CYBB: variants seen among roughly 807,000 people sequenced by gnomAD.
CYBB encodes NADPH oxidase 2.
In CYBB, 5 loss-of-function variants were observed where a neutral mutation model predicts 46.5. The observed-to-expected ratio is 0.11, with a 90% CI of 0.06 to 0.23. The LOEUF is 0.23. Ranked by LOEUF, CYBB falls within the 10% of genes least tolerant of loss-of-function variation. The probability of loss-of-function intolerance (pLI) is 1.00; values close to 1 mark genes in which losing one functional copy is unlikely to be tolerated. For missense variants in CYBB, 307 were observed against 428.3 expected (o/e 0.72, Z 2.50); for synonymous variants, 183 against 156.7 (o/e 1.17, Z -1.26).
chrX:37,787,332 G>A (rs1488539552), intron 3 of CYBB, among the ~76,000 whole-genome samples: 7 of 112,164 alleles, frequency 6.2e-5, no homozygotes, highest in South Asian at 3.7e-4. Context: ...TTGATGGTGC[G>A]TGTGGTGAGA....
rs1157985717 is a variant in CYBB, at chrX:37,812,036, C to T, written c.*1119C>T. The T allele has an allele frequency of 9.0e-6, 1 of 111,617 alleles. No homozygotes were observed. Among genetic ancestry groups the T allele is most frequent in the African/African-American group, 3.3e-5 (1 of 30,634 alleles). 9.2% of individuals were successfully genotyped at this position (111,617 alleles called of 1,213,427 possible). On this transcript the variant is annotated 3_prime_UTR_variant, in exon 13 of 13. Transcript: ENST00000378588. ...TATGGTCATTTGTTTTAAATAACAC[C>T]CACCCCTTATTTTCCGTAAATACAC...
At chrX:37,810,000 G>A (rs1184029201) in intron 12 of CYBB, among the ~76,000 whole-genome samples, 6 of 111,720 alleles carry the variant, frequency 5.4e-5, no homozygotes, top group African/African-American at 2.0e-4. Context: ...TTTCATTAGT[G>A]TATCTACTTC....
At position 37,793,656 on chromosome X, in the gene CYBB, C is replaced by T; in HGVS notation, c.338-9C>T. 1 of 1,207,506 alleles carries T rather than the reference C, an allele frequency of 8.3e-7. No homozygotes were observed. Among genetic ancestry groups the T allele is most frequent in the Non-Finnish European group, 1.1e-6 (1 of 893,220 alleles). On this transcript the variant is annotated splice_polypyrimidine_tract_variant and intron_variant, in intron 4 of 12. Coordinates refer to ENST00000378588, the MANE Select transcript of CYBB (RefSeq NM_000397.4). Reference sequence around the variant, plus strand: ...CATTCTCTTTGTTTCTCTTCTCTGCCCTTTTCAGCGATTCACACCATTGCA... The same window carrying T: ...CATTCTCTTTGTTTCTCTTCTCTGCTCTTTTCAGCGATTCACACCATTGCA...
At position 37,795,802 on chromosome X, in the gene CYBB, AG is replaced by A. The variant is rs1929287368; in HGVS notation, c.484-148del. On this transcript the variant is annotated intron_variant, in intron 5 of 12. Transcript: ENST00000378588. ...GTGAGGGATGATTAGGATTATTCAAAGAGGGGGTGAAAATATCTATTGTTCT... is the reference window on the plus strand; with the variant it reads ...GTGAGGGATGATTAGGATTATTCAAAAGGGGGTGAAAATATCTATTGTTCT... 3 of 461,351 alleles carry A rather than the reference AG, an allele frequency of 6.5e-6. No individual in the cohort carries two copies. The Admixed American group carries it at 1.0e-4, about 16-fold the overall frequency. 38.0% of individuals were successfully genotyped at this position (461,351 alleles called of 1,213,427 possible). A position where few individuals can be genotyped will look rare whatever the true frequency, so the allele number is the denominator to read the frequency against.
chrX:37,799,024 C>T lies in CYBB; in HGVS notation c.744C>T (p.Ile248=), dbSNP rs190924506. 10 of 1,206,610 alleles carry T rather than the reference C, an allele frequency of 8.3e-6. No individual in the cohort carries two copies. The highest frequency in any genetic ancestry group is 4.4e-5 in the Admixed American group (2 of 45,668). ...ATATAACAGTTTGTGAACAAAAAAT[C>T]TCAGAATGGGGAAAAATAAAGGAAT... ...VHNITVCEQK[I]SEWGKIKECP... Residue 248 remains isoleucine (I), a synonymous_variant, in exon 7 of 13, where the codon ATC becomes ATT. Transcript: ENST00000378588.
At chrX:37,806,610 GTCTTGTGTACTA>G in intron 11 of CYBB, 77 bp downstream of exon 11, 1 of 975,957 alleles carries the variant, frequency 1.0e-6, no homozygotes. Flanking sequence ...TTATTGGTGT[GTCTTGTGTACTA>G]TTTTTTCTAA....
At chrX:37,800,997 T>G (rs782192164) in intron 7 of CYBB, among the ~76,000 whole-genome samples, 1 of 112,141 alleles carries the variant, frequency 8.9e-6, no homozygotes, top group Non-Finnish European at 1.9e-5. Flanking sequence ...TTGTGAGGAG[T>G]TCCTCTTGGG....
At chrX:37,803,353 G>A (rs1419059354) in intron 8 of CYBB, among the ~76,000 whole-genome samples, 6 of 110,922 alleles carry the variant, frequency 5.4e-5, no homozygotes, top group African/African-American at 2.0e-4. Context: ...GGATAGGAAG[G>A]CTGAGCAGGA....
At chrX:37,798,216 C>T (rs921039738) in intron 6 of CYBB, 3 of 111,811 alleles carry the variant, frequency 2.7e-5, no homozygotes, top group Non-Finnish European at 3.8e-5. Context: ...GTCTACTCAA[C>T]GTTGGGCCTT....
rs782499015 is a variant in CYBB, at chrX:37,806,359, T to C, written c.1315-28T>C. On this transcript the variant is annotated intron_variant, in intron 10 of 12. Transcript: ENST00000378588. ...TGCTGATAGGGCCTGCCAAATATAA[T>C]CTGCTTCATGATCCACCCCATTTTC... 21 of 1,207,439 alleles carry C rather than the reference T, an allele frequency of 1.7e-5. No homozygotes were observed. In the South Asian group the frequency reaches 3.0e-4, roughly 17 times the overall value.
Position 37,789,432 on chromosome X carries a change from A to G in CYBB, c.253-2543A>G, listed in dbSNP as rs782623160. 4.6e-5 allele frequency among the ~76,000 whole-genome samples: 5 copies of G among 109,139 alleles called. No homozygotes were observed. In the East Asian group the frequency reaches 1.4e-3, roughly 31 times the overall value. The allele number at this position is 109,139 out of a possible 115,157, so 94.8% of individuals were successfully genotyped here. On this transcript the variant is annotated intron_variant, in intron 3 of 12. Coordinates refer to ENST00000378588, the MANE Select transcript of CYBB (RefSeq NM_000397.4). ...CCACAAGGACTCTCAGAAACTATAGAGGAAATTAAGTTGAAATTTAAGAAG... is the reference window on the plus strand; with the variant it reads ...CCACAAGGACTCTCAGAAACTATAGGGGAAATTAAGTTGAAATTTAAGAAG...
intron 8 of CYBB, among the ~76,000 whole-genome samples, chrX:37,803,220 CCTT>C (rs782147784): frequency 9.0e-6 from 1 of 111,034 alleles, no homozygotes; most frequent in Admixed American, 9.5e-5. Context: ...AATGGGATCT[CCTT>C]CTTCTGGCCA....
At chrX:37,805,198 A>G (rs782800759) in intron 10 of CYBB, 30 bp downstream of exon 10, 39 of 1,197,100 alleles carry the variant, frequency 3.3e-5, no homozygotes, top group Non-Finnish European at 4.4e-5. Flanking sequence ...GGAGGGCCTT[A>G]GAGCAGTAAC....
At position 37,804,041 on chromosome X, in the gene CYBB, T is replaced by C. The variant is rs1221663438; in HGVS notation, c.1062T>C (p.His354=). 3 of 1,209,314 alleles carry C rather than the reference T, an allele frequency of 2.5e-6. No individual in the cohort carries two copies. The highest frequency in any genetic ancestry group is 3.4e-6 in the Non-Finnish European group (3 of 894,839). The part of the protein sequence containing the change: ...SAPEEDFFSI[H]IRIVGDWTEG... ...CTGAGGAAGACTTCTTTAGTATCCA[T>C]ATCCGCATCGTTGGGGACTGGACAG... Residue 354 remains histidine, a synonymous_variant, in exon 9 of 13, where the codon CAT becomes CAC. Transcript: ENST00000378588.
chrX:37,786,326 C>T (rs782055651), intron 3 of CYBB, among the ~76,000 whole-genome samples: 2 of 111,711 alleles, frequency 1.8e-5, no homozygotes, highest in South Asian at 3.7e-4. Context: ...GTCCCCAGAG[C>T]CCATTCACTT....
At chrX:37,810,715 C>T (rs746771929) in intron 12 of CYBB, 76 bp from the exon 13 acceptor site, 10 of 1,097,910 alleles carry the variant, frequency 9.1e-6, no homozygotes, top group East Asian at 3.1e-5. Flanking sequence ...CTCAAATTAA[C>T]GGGAAATTCA....
chrX:37,784,170 A>G (rs892890293), intron 3 of CYBB, among the ~76,000 whole-genome samples: 2 of 111,914 alleles, frequency 1.8e-5, no homozygotes, highest in Middle Eastern at 4.6e-3. Context: ...TAGAAGGGGG[A>G]AAAAATAAGT....
rs1028721709 is a variant in CYBB at position 37,811,931 on chromosome X, T to C, written c.*1014T>C. ...CTTGTGCTATAAAATAAATGCAGACTAATTTCCTGCCCAAAGTGGTCTTCT... is the reference window on the plus strand; with the variant it reads ...CTTGTGCTATAAAATAAATGCAGACCAATTTCCTGCCCAAAGTGGTCTTCT... On this transcript the variant is annotated 3_prime_UTR_variant, in exon 13 of 13. Coordinates refer to ENST00000378588, the MANE Select transcript of CYBB (RefSeq NM_000397.4). 8.9e-6 allele frequency: 1 copy of C among 111,864 alleles called. No homozygotes were observed. Among genetic ancestry groups the C allele is most frequent in the African/African-American group, 3.3e-5 (1 of 30,721 alleles). 9.2% of individuals were successfully genotyped at this position (111,864 alleles called of 1,213,427 possible). A position where few individuals can be genotyped will look rare whatever the true frequency, so the allele number is the denominator to read the frequency against.
chrX:37,794,393 G>A (rs1474916319), intron 5 of CYBB, among the ~76,000 whole-genome samples: 2 of 111,649 alleles, frequency 1.8e-5, no homozygotes, highest in African/African-American at 6.5e-5. Flanking sequence ...CAAAGAAGCA[G>A]TAGTCATTGT....
Sources: gnomAD v4.1 joint callset for allele counts (sites outside exome capture counted in the v4.1 genomes callset) on GRCh38, gnomAD v4.1.1 for gene constraint, MANE v1.5 for transcripts, NCBI Gene and HGNC (gene_info 2026-07-23, HGNC 2026-07-21) for gene names.